Variants in SGCZ observed in about 807,000 individuals in gnomAD.
SGCZ encodes the protein sarcoglycan zeta.
In SGCZ, 40 loss-of-function variants were observed where a neutral mutation model predicts 41.3. The observed-to-expected ratio is 0.97, with a 90% CI of 0.75 to 1.26. The LOEUF (loss-of-function observed/expected upper bound fraction) is 1.26. SGCZ is among the 50% of genes most tolerant of loss of function. The pLI, the probability that SGCZ is intolerant of heterozygous loss-of-function variation, is 0.00. For synonymous variants in SGCZ, 206 were observed against 137.5 expected (o/e 1.50, Z -3.49); for missense variants, 552 against 369.8 (o/e 1.49, Z -4.04).
chr8:14,638,293 G>C (rs1452156573), intron 1 of SGCZ, among the ~76,000 whole-genome samples: 2 of 151,796 alleles, frequency 1.3e-5, no homozygotes, highest in South Asian at 4.1e-4. Flanking sequence ...CAACTGCAGA[G>C]CAGGGGTTCA....
At chr8:14,250,382 A>AT (rs1055639948) in intron 3 of SGCZ, among the ~76,000 whole-genome samples, 2 of 151,954 alleles carry the variant, frequency 1.3e-5, no homozygotes, top group African/African-American at 2.4e-5. Flanking sequence ...ATGTGTCGAA[A>AT]TTTTTTTTTA....
In SGCZ at chr8:15,010,185, T is replaced by C. The variant is rs73521027; in HGVS notation, c.39+227400A>G. Among the ~76,000 whole-genome samples, 495 of 152,270 alleles carry C rather than the reference T, an allele frequency of 3.3e-3. 5 individuals are homozygous for C. The highest frequency in any genetic ancestry group is 0.011 in the African/African-American group (462 of 41,560). ...AATGTCTACATGAGAGAACACAAAC[T>C]AAACATTTGTTTTACATATAAAAAT... On this transcript the variant is annotated intron_variant, in intron 1 of 7. Transcript: ENST00000382080.
chr8:14,231,942 T>C (rs1053058049), intron 4 of SGCZ, among the ~76,000 whole-genome samples: 1 of 152,068 alleles, frequency 6.6e-6, no homozygotes, highest in Non-Finnish European at 1.5e-5. Flanking sequence ...TGAGTAAACA[T>C]TTACTAATAG....
rs1461515978 is a variant in SGCZ, at chr8:14,425,032, TTC to T, written c.235-100830_235-100829del. The stretch of plus-strand genomic sequence containing the variant: ...TTCGTTATTGAGCTTGAAATATATT[TTC>T]TGTTAGCTTGCCTTTCTACTTTTTT... On this transcript the variant is annotated intron_variant, in intron 2 of 7. Transcript: ENST00000382080. Among the ~76,000 whole-genome samples, 5 of 152,322 alleles carry T rather than the reference TTC, an allele frequency of 3.3e-5. No homozygotes were observed. In the East Asian group the frequency reaches 7.7e-4, roughly 24 times the overall value.
chr8:14,222,583 T>A (rs1040832622), intron 4 of SGCZ, among the ~76,000 whole-genome samples: 3 of 152,122 alleles, frequency 2.0e-5, no homozygotes, highest in African/African-American at 7.2e-5. Context: ...CTGGAGGATA[T>A]TCTCCCACGA....
chr8:14,255,393 T>A (rs1183830505), intron 3 of SGCZ, among the ~76,000 whole-genome samples: 1 of 152,162 alleles, frequency 6.6e-6, no homozygotes, highest in Non-Finnish European at 1.5e-5. Context: ...TTCCATTATC[T>A]CCATTGTAAG....
At chr8:14,857,430 C>A (rs191650521) in intron 1 of SGCZ, among the ~76,000 whole-genome samples, 1 of 152,256 alleles carries the variant, frequency 6.6e-6, no homozygotes, top group Non-Finnish European at 1.5e-5. Flanking sequence ...TTTCCCAATA[C>A]TCTATAATGA....
At chr8:15,234,569 A>C (rs1373072346) in intron 1 of SGCZ, among the ~76,000 whole-genome samples, 1 of 152,224 alleles carries the variant, frequency 6.6e-6, no homozygotes, top group African/African-American at 2.4e-5. Flanking sequence ...AGCAAGTTTT[A>C]CACACATAAC....
chr8:15,183,748 A>G (rs1800248357), intron 1 of SGCZ, among the ~76,000 whole-genome samples: 1 of 152,222 alleles, frequency 6.6e-6, no homozygotes, highest in South Asian at 2.1e-4. Flanking sequence ...TATAATTGCT[A>G]GAGATTTTGA....
intron 3 of SGCZ, among the ~76,000 whole-genome samples, chr8:14,321,057 T>A (rs985692614): frequency 8.5e-5 from 13 of 152,058 alleles, no homozygotes; most frequent in Admixed American, 6.6e-5. Context: ...GGCCTAAAGT[T>A]GGACCAAGTG....
intron 1 of SGCZ, among the ~76,000 whole-genome samples, chr8:14,828,877 G>C (rs943493987): frequency 3.3e-5 from 5 of 152,050 alleles, no homozygotes; most frequent in African/African-American, 1.2e-4. Flanking sequence ...CTTCAAACAA[G>C]GACAATTTTG....
intron 2 of SGCZ, among the ~76,000 whole-genome samples, chr8:14,330,745 A>T (rs900902668): frequency 5.3e-5 from 8 of 152,086 alleles, no homozygotes; most frequent in African/African-American, 1.9e-4. Flanking sequence ...TTTCTACTCC[A>T]AAGATTTAAG....
intron 1 of SGCZ, among the ~76,000 whole-genome samples, chr8:14,838,655 T>C (rs891135028): frequency 6.6e-6 from 1 of 152,186 alleles, no homozygotes. Flanking sequence ...TACTTTTGCC[T>C]TCCTTTTCTG....
At chr8:14,533,676 C>T (rs563260714) in intron 2 of SGCZ, among the ~76,000 whole-genome samples, 10 of 152,032 alleles carry the variant, frequency 6.6e-5, no homozygotes, top group African/African-American at 2.4e-4. Context: ...ACTCTTTTAT[C>T]CATCAACAGA....
intron 1 of SGCZ, among the ~76,000 whole-genome samples, chr8:14,824,253 T>C (rs1802213214): frequency 6.6e-6 from 1 of 152,042 alleles, no homozygotes; most frequent in Non-Finnish European, 1.5e-5. Context: ...TCCTCAATGT[T>C]CTCACCACAA....
chr8:14,315,323 G>C (rs1801679550), intron 3 of SGCZ, among the ~76,000 whole-genome samples: 1 of 152,078 alleles, frequency 6.6e-6, no homozygotes. Flanking sequence ...ATTTGTTTTT[G>C]ATTGCCTTGC....
At chr8:14,551,698 T>C (rs1175087354) in intron 2 of SGCZ, among the ~76,000 whole-genome samples, 1 of 83,180 alleles carries the variant, frequency 1.2e-5, no homozygotes, top group Non-Finnish European at 2.5e-5. Flanking sequence ...GCCAGGAAAT[T>C]ATTTATTTCT....
At chr8:14,210,412 T>C (rs1327609986) in intron 4 of SGCZ, among the ~76,000 whole-genome samples, 3 of 152,004 alleles carry the variant, frequency 2.0e-5, no homozygotes, top group Non-Finnish European at 4.4e-5. Context: ...CCCTTGGAAT[T>C]ACCCTTAATT....
intron 2 of SGCZ, among the ~76,000 whole-genome samples, chr8:14,477,804 G>T (rs974100058): frequency 6.6e-6 from 1 of 152,168 alleles, no homozygotes; most frequent in Non-Finnish European, 1.5e-5. Context: ...TGCCTTAGAT[G>T]ATAAAATAAT....
Sources: allele counts gnomAD v4.1 joint callset (sites outside exome capture counted in the v4.1 genomes callset), GRCh38; gene constraint gnomAD v4.1.1; transcripts MANE v1.5; gene names NCBI Gene and HGNC (gene_info 2026-07-23, HGNC 2026-07-21).